MBOAT7: variants seen among roughly 807,000 people sequenced by gnomAD.
The protein encoded by MBOAT7 is membrane bound acylglycerophosphatidylinositol O-acyltransferase MBOAT7, also known as membrane-bound acylglycerophosphatidylinositol O-acyltransferase MBOAT7.
MBOAT7 carries 40 observed loss-of-function variants against 47.4 expected under a neutral mutation model. The ratio of observed to expected loss-of-function variants is 0.84; its 90% CI spans 0.66 to 1.10. MBOAT7 has a LOEUF of 1.10. MBOAT7 is among the 50% of genes least tolerant of loss of function. The pLI, the probability that MBOAT7 is intolerant of heterozygous loss-of-function variation, is 0.00. For missense variants in MBOAT7, 680 were observed against 655.6 expected (o/e 1.04, Z -0.41); for synonymous variants, 361 against 292.0 (o/e 1.24, Z -2.41).
At chr19:54,179,722 G>A (rs1436663628) in intron 6 of MBOAT7, 4 of 152,160 alleles carry the variant, frequency 2.6e-5, no homozygotes, top group Non-Finnish European at 5.9e-5. Flanking sequence ...TGGAGGTCAG[G>A]GCACGGTTAT....
At chr19:54,186,448 T>C (rs1431084936) in intron 4 of MBOAT7, among the ~76,000 whole-genome samples, 1 of 152,220 alleles carries the variant, frequency 6.6e-6, no homozygotes, top group African/African-American at 2.4e-5. Flanking sequence ...CAGCCAGGCC[T>C]AGCACGGTGT....
Position 54,175,875 on chromosome 19 carries a change from C to A in MBOAT7, c.1032-1444G>T, listed in dbSNP as rs550457320. ...GAGCAGCTGGGACTACAGGTGCCCA[C>A]CACCATGCCAGGCTAATTTTTGTAT... On this transcript the variant is annotated intron_variant, in intron 7 of 7. Transcript: ENST00000245615. Among the ~76,000 whole-genome samples, 20 of 152,344 alleles carry A rather than the reference C, an allele frequency of 1.3e-4. No individual in the cohort carries two copies. In the South Asian group the frequency reaches 3.7e-3, roughly 28 times the overall value.
intron 5 of MBOAT7, among the ~76,000 whole-genome samples, chr19:54,181,452 T>TG (rs1409261689): frequency 6.6e-6 from 1 of 151,404 alleles, no homozygotes; most frequent in African/African-American, 2.4e-5. Flanking sequence ...GCCCAACAGT[T>TG]GGACAGCAGC....
chr19:54,176,246 C>T (rs2076105252), intron 7 of MBOAT7, among the ~76,000 whole-genome samples: 1 of 152,144 alleles, frequency 6.6e-6, no homozygotes, highest in African/African-American at 2.4e-5. Flanking sequence ...ACCTTGGCCT[C>T]CCAAAATACT....
At chr19:54,188,679 C>A (rs888011235) in intron 1 of MBOAT7, among the ~76,000 whole-genome samples, 168 bp from the exon 2 acceptor site, 6 of 152,066 alleles carry the variant, frequency 3.9e-5, no homozygotes, top group African/African-American at 1.2e-4. Context: ...AGACTCCAGC[C>A]CCTTCCTCCT....
chr19:54,183,640 G>A lies in MBOAT7; in HGVS notation c.374C>T (p.Ala125Val). The A allele has an allele frequency of 5.6e-6, 9 of 1,600,002 alleles. No homozygotes were observed. The highest frequency in any genetic ancestry group is 7.7e-6 in the Non-Finnish European group (9 of 1,173,840). ...GCCTGAGGCCATTTCCTTCCTCTGG[G>A]CCAGATGCAGGTCCTGGACTTCACT... ...LASEVQDLHLAQRKEMASGFS... is the reference protein window; with the variant it reads ...LASEVQDLHLVQRKEMASGFS... Residue 125 changes from alanine (A) to valine (V), a missense_variant, in exon 5 of 8, where the codon GCC (alanine) becomes GTC (valine). Transcript: ENST00000245615.
At chr19:54,178,060 A>G (rs1023422871) in intron 7 of MBOAT7, among the ~76,000 whole-genome samples, 16 of 151,216 alleles carry the variant, frequency 1.1e-4, no homozygotes, top group African/African-American at 3.6e-4. Context: ...ACAGGCGCCC[A>G]CCACCACACC....
rs1377006983 is a variant in MBOAT7 at position 54,173,540 on chromosome 19, T to G, written c.*504A>C. On this transcript the variant is annotated 3_prime_UTR_variant, in exon 8 of 8. Coordinates refer to ENST00000245615, the MANE Select transcript of MBOAT7 (RefSeq NM_024298.5). ...TCAGATGGAAGCCATGGGACGGCCG[T>G]CCCCAGGCCCGCGCACCCGCACCTC... is the stretch of plus-strand genomic sequence containing the variant. The G allele has an allele frequency of 1.1e-5, 2 of 180,286 alleles. No individual in the cohort carries two copies. Among genetic ancestry groups the G allele is most frequent in the Non-Finnish European group, 2.3e-5 (2 of 86,076 alleles). The allele number at this position is 180,286 out of a possible 1,614,324, so 11.2% of individuals were successfully genotyped here. A position where few individuals can be genotyped will look rare whatever the true frequency, so the allele number is the denominator to read the frequency against.
At position 54,177,041 on chromosome 19, in the gene MBOAT7, G is replaced by A. The variant is rs146079567; in HGVS notation, c.1031+1724C>T. 8.9e-3 allele frequency among the ~76,000 whole-genome samples: 1,354 copies of A among 152,010 alleles called. 10 individuals carry two copies. The highest frequency in any genetic ancestry group is 0.028 in the African/African-American group (1,155 of 41,474). On this transcript the variant is annotated intron_variant, in intron 7 of 7. Transcript: ENST00000245615. ...GTTCGAGACCAGCCTGGCCAACATG[G>A]TGAAACCCTGCGTCTACTCTTGGCA...
At chr19:54,178,642 C>A in intron 7 of MBOAT7, 123 bp downstream of exon 7, 1 of 1,457,020 alleles carries the variant, frequency 6.9e-7, no homozygotes, top group Non-Finnish European at 9.0e-7. Context: ...CCAGGCTAAA[C>A]AAACTACAAT....
chr19:54,182,890 G>A (rs1026809861), intron 5 of MBOAT7, among the ~76,000 whole-genome samples: 5 of 152,052 alleles, frequency 3.3e-5, no homozygotes, highest in East Asian at 1.9e-4. Flanking sequence ...CAGTAGAGAC[G>A]GGGTTTCACC....
In MBOAT7 at chr19:54,178,821, C is replaced by T. The variant is rs116423748; in HGVS notation, c.975G>A (p.Gln325=). 1.6e-3 allele frequency: 2,543 copies of T among 1,613,646 alleles called. 31 individuals are homozygous for T. The African/African-American group carries it at 0.027, about 17-fold the overall frequency. Residue 325 remains glutamine, a synonymous_variant, in exon 7 of 8, where the codon CAG becomes CAA. Transcript: ENST00000245615. ...DGMRYWNMTV[Q]WWLAQYIYKS... is the part of the protein sequence containing the mutation. ...TGTAGATATACTGCGCCAGCCACCA[C>T]TGCACCGTCATGTTCCAGTACCGCA...
chr19:54,181,305 T>A (rs1429548824), intron 5 of MBOAT7, among the ~76,000 whole-genome samples, 172 bp from the exon 6 acceptor site: 2 of 151,560 alleles, frequency 1.3e-5, no homozygotes, highest in East Asian at 3.9e-4. Flanking sequence ...GAGATGGGGA[T>A]AAGGAACGAG....
intron 5 of MBOAT7, 25 bp from the exon 6 acceptor site, chr19:54,181,158 C>T (rs775813487): frequency 8.5e-5 from 123 of 1,450,008 alleles, no homozygotes; most frequent in Middle Eastern, 2.0e-4. Context: ...GGGAGGGCCG[C>T]GGTCAGACAG....
In MBOAT7 at chr19:54,178,670, G is replaced by C. The variant is rs2076177311; in HGVS notation, c.1031+95C>G. On this transcript the variant is annotated intron_variant, in intron 7 of 7. Coordinates refer to ENST00000245615, the MANE Select transcript of MBOAT7 (RefSeq NM_024298.5). ...ACTACAATTCCCATGAGCCTCCGGG[G>C]GCAGGGGCCCAGCCAGGGACGCTGC... 4 of 1,518,710 alleles carry C rather than the reference G, an allele frequency of 2.6e-6. No individual in the cohort carries two copies. The African/African-American group carries it at 4.1e-5, about 16-fold the overall frequency. The allele number at this position is 1,518,710 out of a possible 1,614,324, so 94.1% of individuals were successfully genotyped here.
At position 54,180,611 on chromosome 19, in the gene MBOAT7, G is replaced by A. The variant is rs1249156039; in HGVS notation, c.854+162C>T. On this transcript the variant is annotated intron_variant, in intron 6 of 7. Coordinates refer to ENST00000245615, the MANE Select transcript of MBOAT7 (RefSeq NM_024298.5). The surrounding 1 kb of genome is among the most constrained non-coding windows in gnomAD (Gnocchi z 5.2). The stretch of plus-strand genomic sequence containing the variant: ...CAGTACCAGGGATCTTTTCCCTACC[G>A]ACAGGGGCTGGCAGGCCATGGTTGC... 9.1e-6 allele frequency: 6 copies of A among 659,602 alleles called. No homozygotes were observed. The highest frequency in any genetic ancestry group is 3.1e-5 in the Admixed American group (1 of 32,220). The allele number at this position is 659,602 out of a possible 1,614,324, so 40.9% of individuals were successfully genotyped here.
At position 54,180,883 on chromosome 19, in the gene MBOAT7, G is replaced by A; in HGVS notation, c.744C>T (p.Ala248=). 1 of 1,595,298 alleles carries A rather than the reference G, an allele frequency of 6.3e-7. No individual in the cohort carries two copies. Among genetic ancestry groups the A allele is most frequent in the Admixed American group, 1.8e-5 (1 of 55,762 alleles). Reference sequence around the variant, plus strand: ...TGCAGCCGCACTCGGCGGCAATCCAGGCCACGTAGAAGCGCATGCGGAAGG... The same window carrying A: ...TGCAGCCGCACTCGGCGGCAATCCAAGCCACGTAGAAGCGCATGCGGAAGG... ...FFAFRMRFYV[A]WIAAECGCIA... Residue 248 remains alanine (A), a synonymous_variant, in exon 6 of 8, where the codon GCC becomes GCT. Transcript: ENST00000245615. This position sits in a 1 kb window ranked among gnomAD's most constrained non-coding sequence, Gnocchi z 5.2.
At chr19:54,185,315 C>T (rs79966336) in intron 4 of MBOAT7, among the ~76,000 whole-genome samples, 5,264 of 152,198 alleles carry the variant, frequency 0.035, 283 homozygotes, top group African/African-American at 0.12. Flanking sequence ...ACTATGACCT[C>T]CCAAAGCGCT....
chr19:54,187,221 G>T lies in MBOAT7; in HGVS notation c.273C>A (p.Leu91=), dbSNP rs1181046744. 6.2e-7 allele frequency: 1 copy of T among 1,605,574 alleles called. No individual in the cohort carries two copies. Among genetic ancestry groups the T allele is most frequent in the African/African-American group, 1.3e-5 (1 of 74,850 alleles). The stretch of plus-strand genomic sequence containing the variant: ...AGGGCGTGGGAGTGGGCAGGCCCAG[G>T]AGGCTGAGGGCTCGGAAGAACAGGA... The part of the protein sequence containing the change: ...SYLLFFRALS[L]LGLPTPTPFT... The change falls in exon 4 of 8, where the codon CTC becomes CTA. Residue 91 remains leucine (L), a synonymous_variant. Coordinates refer to ENST00000245615, the MANE Select transcript of MBOAT7 (RefSeq NM_024298.5).
Sources: allele counts gnomAD v4.1 joint callset (sites outside exome capture counted in the v4.1 genomes callset), GRCh38; gene constraint gnomAD v4.1.1; non-coding constraint Gnocchi (gnomAD v3.1); transcripts MANE v1.5; gene names NCBI Gene and HGNC (gene_info 2026-07-23, HGNC 2026-07-21).